DEK: variants seen among roughly 807,000 people sequenced by gnomAD.
DEK encodes protein DEK.
Under a neutral mutation model 46.8 loss-of-function variants are expected in DEK, and 28 were observed. The observed-to-expected ratio is 0.60, with a 90% CI of 0.44 to 0.82. The LOEUF (loss-of-function observed/expected upper bound fraction) is 0.82. DEK is among the 40% of genes least tolerant of loss of function. The probability of loss-of-function intolerance (pLI) is 0.00; values close to 1 mark genes in which losing one functional copy is unlikely to be tolerated. For synonymous variants in DEK, 160 were observed against 144.5 expected, an observed-to-expected ratio of 1.11 and a Z score of -0.77; for missense variants, 416 against 430.6, an observed-to-expected ratio of 0.97 and a Z score of 0.30.
intron 2 of DEK, among the ~76,000 whole-genome samples, chr6:18,263,208 A>C (rs1791953520): frequency 6.6e-6 from 1 of 152,168 alleles, no homozygotes; most frequent in South Asian, 2.1e-4. Flanking sequence ...CCCTCCCTTA[A>C]AACAGACACA....
chr6:18,224,341 T>C lies in DEK; in HGVS notation c.*1378A>G, dbSNP rs1790016404. ...GAAACAAACCTGTGAAAATACCTGT[T>C]AACATTCAACATATATTTTTATATA... On this transcript the variant is annotated 3_prime_UTR_variant, in exon 11 of 11. Coordinates refer to ENST00000652689, the MANE Select transcript of DEK (RefSeq NM_003472.4). The C allele has an allele frequency of 5.4e-6, 1 of 185,190 alleles. No homozygotes were observed. The highest frequency in any genetic ancestry group is 1.1e-5 in the Non-Finnish European group (1 of 87,584). The allele number at this position is 185,190 out of a possible 1,614,324, so 11.5% of individuals were successfully genotyped here.
chr6:18,252,751 C>T (rs552007120), intron 6 of DEK, among the ~76,000 whole-genome samples: 21 of 152,236 alleles, frequency 1.4e-4, no homozygotes, highest in Non-Finnish European at 2.6e-4. Flanking sequence ...CTGCTCTTTT[C>T]ACTGTGTTGA....
At chr6:18,246,613 T>C (rs1474968967) in intron 7 of DEK, among the ~76,000 whole-genome samples, 2 of 152,242 alleles carry the variant, frequency 1.3e-5, no homozygotes, top group Non-Finnish European at 2.9e-5. Flanking sequence ...TGAATTTACT[T>C]ATAAACACCT....
Position 18,249,765 on chromosome 6 carries a change from C to G in DEK, c.648G>C (p.Lys216Asn). Reference protein sequence around the residue: ...KERNSSGMARKAKRTKCPEIL... With the variant: ...KERNSSGMARNAKRTKCPEIL... The stretch of plus-strand genomic sequence containing the variant: ...TTTCAGGACATTTGGTTCGCTTAGC[C>G]TTCCTTGCCATTCCAGAACTGTTCC... The change falls in exon 7 of 11, where the codon AAG becomes AAC. Residue 216 changes from lysine (K) to asparagine (N), a missense_variant. Lys to Asn is a moderately conservative substitution (Grantham distance 94, BLOSUM62 0). Coordinates refer to ENST00000652689, the MANE Select transcript of DEK (RefSeq NM_003472.4). The G allele has an allele frequency of 6.2e-7, 1 of 1,613,930 alleles. No individual in the cohort carries two copies. Among genetic ancestry groups the G allele is most frequent in the Non-Finnish European group, 8.5e-7 (1 of 1,179,974 alleles).
In DEK at chr6:18,264,397, C is replaced by T. The variant is rs778093240; in HGVS notation, c.-22G>A. 1.3e-5 allele frequency: 3 copies of T among 228,590 alleles called. No individual in the cohort carries two copies. The highest frequency in any genetic ancestry group is 2.4e-5 in the African/African-American group (1 of 42,330). The allele number at this position is 228,590 out of a possible 1,614,324, so 14.2% of individuals were successfully genotyped here. A position where few individuals can be genotyped will look rare whatever the true frequency, so the allele number is the denominator to read the frequency against. On this transcript the variant is annotated 5_prime_UTR_variant, in exon 1 of 11. Coordinates refer to ENST00000652689, the MANE Select transcript of DEK (RefSeq NM_003472.4). ...AAGCAGCCCTTACCGCGGATTTCGGCCGCCGCGGGCCTGGCACGCGAGGGC... is the reference window on the plus strand; with the variant it reads ...AAGCAGCCCTTACCGCGGATTTCGGTCGCCGCGGGCCTGGCACGCGAGGGC...
At chr6:18,258,157 C>A in intron 3 of DEK, 95 bp from the exon 4 acceptor site, 1 of 1,094,296 alleles carries the variant, frequency 9.1e-7, no homozygotes, top group Non-Finnish European at 1.3e-6. Flanking sequence ...GCATAATTTA[C>A]ATGTAACTCT....
At chr6:18,225,984 C>T (rs1431720286) in intron 10 of DEK, 190 bp downstream of exon 10, 1 of 723,002 alleles carries the variant, frequency 1.4e-6, no homozygotes, top group African/African-American at 1.8e-5. Context: ...GGTCTTATCA[C>T]TAACTGTTCA....
Position 18,225,577 on chromosome 6 carries a change from C to G in DEK, c.*142G>C. The G allele has an allele frequency of 1.2e-6, 1 of 838,384 alleles. No homozygotes were observed. Among genetic ancestry groups the G allele is most frequent in the Non-Finnish European group, 1.8e-6 (1 of 561,226 alleles). The allele number at this position is 838,384 out of a possible 1,614,324, so 51.9% of individuals were successfully genotyped here. A position where few individuals can be genotyped will look rare whatever the true frequency, so the allele number is the denominator to read the frequency against. On this transcript the variant is annotated 3_prime_UTR_variant, in exon 11 of 11. Transcript: ENST00000652689. ...AGCAAACTCAAATTCACATAACACTCAAGATAAAAAGGTCAGCAGTAAGTT... is the reference window on the plus strand; with the variant it reads ...AGCAAACTCAAATTCACATAACACTGAAGATAAAAAGGTCAGCAGTAAGTT...
intron 2 of DEK, among the ~76,000 whole-genome samples, chr6:18,263,189 C>T (rs1417918611): frequency 2.0e-5 from 3 of 152,164 alleles, no homozygotes; most frequent in African/African-American, 4.8e-5. Context: ...CAAATCAGGG[C>T]TCATATCGCC....
At position 18,225,214 on chromosome 6, in the gene DEK, A is replaced by G. The variant is rs990254077; in HGVS notation, c.*505T>C. ...ACATGCAGGAGAAAAGTTCCAATTC[A>G]GTGATCTGGACAACTGTAGCTTGTA... is the stretch of plus-strand genomic sequence containing the variant. On this transcript the variant is annotated 3_prime_UTR_variant, in exon 11 of 11. Transcript: ENST00000652689. 1 of 227,846 alleles carries G rather than the reference A, an allele frequency of 4.4e-6. No individual in the cohort carries two copies. Among genetic ancestry groups the G allele is most frequent in the East Asian group, 6.3e-5 (1 of 15,800 alleles). 14.1% of individuals were successfully genotyped at this position (227,846 alleles called of 1,614,324 possible).
At chr6:18,257,224 T>C (rs1451895375) in intron 4 of DEK, among the ~76,000 whole-genome samples, 1 of 152,214 alleles carries the variant, frequency 6.6e-6, no homozygotes, top group Non-Finnish European at 1.5e-5. Flanking sequence ...TTTTGCCTCT[T>C]ATTTGTATGA....
chr6:18,256,187 A>G (rs539333591), intron 5 of DEK, among the ~76,000 whole-genome samples, 174 bp downstream of exon 5: 93 of 152,050 alleles, frequency 6.1e-4, no homozygotes, highest in Non-Finnish European at 1.0e-3. Flanking sequence ...GGGTTTCTCC[A>G]TGTTGGTCAG....
At position 18,249,636 on chromosome 6, in the gene DEK, A is replaced by G; in HGVS notation, c.762+15T>C. 1 of 1,547,854 alleles carries G rather than the reference A, an allele frequency of 6.5e-7. No homozygotes were observed. Among genetic ancestry groups the G allele is most frequent in the South Asian group, 1.3e-5 (1 of 79,990 alleles). ...ATGGAAAGAAATGATTTAAAAATAT[A>G]GTAAAATATTTTACCTCCTCTTCAC... On this transcript the variant is annotated intron_variant, in intron 7 of 10. Transcript: ENST00000652689.
At chr6:18,234,096 C>T (rs1790537568) in intron 9 of DEK, among the ~76,000 whole-genome samples, 1 of 148,934 alleles carries the variant, frequency 6.7e-6, no homozygotes, top group African/African-American at 2.5e-5. Flanking sequence ...GACAGAAAAC[C>T]AAACACTGCA....
chr6:18,236,570 T>G lies in DEK; in HGVS notation c.929A>C (p.Glu310Ala). 1 of 1,580,932 alleles carries G rather than the reference T, an allele frequency of 6.3e-7. No individual in the cohort carries two copies. Among genetic ancestry groups the G allele is most frequent in the Admixed American group, 1.9e-5 (1 of 51,574 alleles). Reference sequence around the variant, plus strand: ...TTTCTTCAACTTTTTAATTAAAGGTTCATCATCTGAACTATCCTCAGACTC... The same window carrying G: ...TTTCTTCAACTTTTTAATTAAAGGTGCATCATCTGAACTATCCTCAGACTC... ...ESESEDSSDD[E>A]PLIKKLKKPP... The change falls in exon 9 of 11, where the codon GAA becomes GCA. Residue 310 changes from glutamate to alanine, a missense_variant. Transcript: ENST00000652689.
At chr6:18,231,552 G>T (rs1790414788) in intron 9 of DEK, among the ~76,000 whole-genome samples, 1 of 152,170 alleles carries the variant, frequency 6.6e-6, no homozygotes, top group African/African-American at 2.4e-5. Context: ...CGATCCCACA[G>T]AAATACAAAC....
intron 9 of DEK, among the ~76,000 whole-genome samples, chr6:18,227,011 G>A (rs974227150): frequency 2.0e-5 from 3 of 152,176 alleles, no homozygotes; most frequent in Admixed American, 6.5e-5. Context: ...CTAATCTCAA[G>A]TACCCAGGGA....
intron 6 of DEK, among the ~76,000 whole-genome samples, chr6:18,252,957 CAT>C (rs1791453145): frequency 2.0e-5 from 3 of 152,302 alleles, no homozygotes; most frequent in South Asian, 2.1e-4. Context: ...CTCTCAAGTA[CAT>C]GTCTTTCTAA....
At chr6:18,243,241 T>C (rs755932275) in intron 7 of DEK, among the ~76,000 whole-genome samples, 2 of 152,192 alleles carry the variant, frequency 1.3e-5, no homozygotes, top group African/African-American at 2.4e-5. Flanking sequence ...ACATGGTATA[T>C]ACACTTTGAA....
Sources: allele counts gnomAD v4.1 joint callset (sites outside exome capture counted in the v4.1 genomes callset), GRCh38; gene constraint gnomAD v4.1.1; transcripts MANE v1.5; gene names NCBI Gene and HGNC (gene_info 2026-07-23, HGNC 2026-07-21).